TNIK: variants seen among roughly 807,000 people sequenced by gnomAD.
TNIK encodes TRAF2 and NCK-interacting protein kinase.
TNIK carries 49 observed loss-of-function variants against 191.3 expected under a neutral mutation model. The ratio of observed to expected loss-of-function variants is 0.26; its 90% CI spans 0.20 to 0.32. The LOEUF (loss-of-function observed/expected upper bound fraction) is 0.32. Among genes scored for constraint, TNIK ranks in the 10% least tolerant of loss-of-function variants. The probability of loss-of-function intolerance (pLI) is 1.00; values close to 1 mark genes in which losing one functional copy is unlikely to be tolerated. For missense variants in TNIK, 1,155 were observed against 1,702.3 expected, an observed-to-expected ratio of 0.68 and a Z score of 5.66; for synonymous variants, 594 against 600.9, an observed-to-expected ratio of 0.99 and a Z score of 0.17.
chr3:171,325,327 C>T (rs563503272), intron 2 of TNIK, among the ~76,000 whole-genome samples: 3 of 152,100 alleles, frequency 2.0e-5, no homozygotes, highest in East Asian at 1.9e-4. Context: ...CTAGTGGCTA[C>T]GTCTAGGGAT....
At chr3:171,283,854 G>C (rs1255528036) in intron 2 of TNIK, among the ~76,000 whole-genome samples, 3 of 152,178 alleles carry the variant, frequency 2.0e-5, no homozygotes, top group Non-Finnish European at 2.9e-5. Context: ...GAACTACTTC[G>C]AGGGTACTGT....
In TNIK at chr3:171,157,596, T is replaced by C. The variant is rs776038463; in HGVS notation, c.1085A>G (p.Lys362Arg). 2.6e-6 allele frequency: 4 copies of C among 1,556,780 alleles called. No homozygotes were observed. The highest frequency in any genetic ancestry group is 2.7e-5 in the African/African-American group (2 of 73,216). ...CCTCCGTAGGGCCTCAGAACGCTCC[T>C]TGTTGGCCAGCTGCAGCCTCAGAAA... ...RDFLRLQLAN[K>R]ERSEALRRQQ... Residue 362 changes from lysine (K) to arginine (R), a missense_variant, in exon 12 of 33, where the codon AAG becomes AGG. Coordinates refer to ENST00000436636, the MANE Select transcript of TNIK (RefSeq NM_015028.4).
chr3:171,162,172 A>G (rs1297235691), intron 10 of TNIK, among the ~76,000 whole-genome samples: 2 of 152,190 alleles, frequency 1.3e-5, no homozygotes, highest in African/African-American at 4.8e-5. Flanking sequence ...CTGTAATCCC[A>G]GCACTTTGGG....
chr3:171,289,899 C>T (rs1375159687), intron 2 of TNIK, among the ~76,000 whole-genome samples: 3 of 110,322 alleles, frequency 2.7e-5, no homozygotes, highest in Admixed American at 9.2e-5. Context: ...CAGACTCCGT[C>T]TCAAAAAAAA....
At position 171,205,707 on chromosome 3, in the gene TNIK, C is replaced by G. The variant is rs79647131; in HGVS notation, c.306+5409G>C. On this transcript the variant is annotated intron_variant, in intron 4 of 32. Transcript: ENST00000436636. ...CCCCTTCAGTATGTGGGTCAGATCC[C>G]ATCCCCCTCACTCCATGTTCAAAAC... Among the ~76,000 whole-genome samples, 443 of 152,262 alleles carry G rather than the reference C, an allele frequency of 2.9e-3. 6 individuals carry two copies. Among genetic ancestry groups the G allele is most frequent in the Admixed American group, 0.023 (349 of 15,280 alleles).
At chr3:171,140,208 G>A (rs1156906645) in intron 13 of TNIK, among the ~76,000 whole-genome samples, 191 bp downstream of exon 13, 1 of 152,226 alleles carries the variant, frequency 6.6e-6, no homozygotes, top group Non-Finnish European at 1.5e-5. Flanking sequence ...TGGGTAGAAA[G>A]CAAGGCTGAA....
Position 171,128,754 on chromosome 3 carries a change from G to T in TNIK, c.1733C>A (p.Pro578His). The part of the protein sequence containing the change: ...SESFSISGVQ[P>H]ARTPPMLRPV... ...TCTGAGCATGGGGGGTGTTCGAGCA[G>T]GCTGAACTCCACTAATGCTGAAGGA... Residue 578 changes from proline to histidine, a missense_variant, in exon 16 of 33, where the codon CCT (proline) becomes CAT (histidine). Around this residue, in one of 3 missense-constraint regions of TNIK, gnomAD observed 735 missense variants for 848.0 expected, o/e 0.87. Transcript: ENST00000436636. 6.2e-7 allele frequency: 1 copy of T among 1,613,426 alleles called. No homozygotes were observed. Among genetic ancestry groups the T allele is most frequent in the Non-Finnish European group, 8.5e-7 (1 of 1,179,778 alleles).
intron 7 of TNIK, among the ~76,000 whole-genome samples, chr3:171,177,628 C>T (rs932846256): frequency 5.3e-5 from 8 of 152,270 alleles, no homozygotes; most frequent in South Asian, 2.1e-4. Flanking sequence ...TAAATTAATT[C>T]GTTACTGAAA....
At chr3:171,295,517 T>A (rs1469990967) in intron 2 of TNIK, among the ~76,000 whole-genome samples, 4 of 152,206 alleles carry the variant, frequency 2.6e-5, no homozygotes, top group Non-Finnish European at 5.9e-5. Flanking sequence ...AACTGCCCTT[T>A]CTTTCCCAGC....
intron 12 of TNIK, among the ~76,000 whole-genome samples, chr3:171,144,598 A>G (rs190741479): frequency 7.0e-6 from 1 of 143,828 alleles, no homozygotes; most frequent in Admixed American, 6.9e-5. Flanking sequence ...CATATCTACC[A>G]TCTTAAACAC....
intron 1 of TNIK, among the ~76,000 whole-genome samples, chr3:171,454,394 A>G (rs1728561909): frequency 6.6e-6 from 1 of 152,234 alleles, no homozygotes. Context: ...AGTTTTACAG[A>G]TAAGGGGGAA....
At chr3:171,250,331 T>C (rs1206523902) in intron 2 of TNIK, among the ~76,000 whole-genome samples, 1 of 152,210 alleles carries the variant, frequency 6.6e-6, no homozygotes, top group Non-Finnish European at 1.5e-5. Context: ...AGCTTCTTTG[T>C]GGTAGTGAGA....
At chr3:171,231,799 G>A (rs1200190296) in intron 2 of TNIK, among the ~76,000 whole-genome samples, 1 of 152,130 alleles carries the variant, frequency 6.6e-6, no homozygotes, top group African/African-American at 2.4e-5. Context: ...AATGAATTGA[G>A]TAGGAAGGGG....
chr3:171,118,777 C>T (rs1727178734), intron 18 of TNIK, among the ~76,000 whole-genome samples: 1 of 152,090 alleles, frequency 6.6e-6, no homozygotes, highest in African/African-American at 2.4e-5. Flanking sequence ...ACACCTTATA[C>T]AAAAATTAAT....
At chr3:171,422,844 G>T (rs1259661966) in intron 1 of TNIK, among the ~76,000 whole-genome samples, 1 of 152,198 alleles carries the variant, frequency 6.6e-6, no homozygotes, top group East Asian at 1.9e-4. Context: ...TTGAACAATG[G>T]ATATCTTCAG....
chr3:171,119,054 A>G (rs939241417), intron 18 of TNIK, among the ~76,000 whole-genome samples: 36 of 152,186 alleles, frequency 2.4e-4, no homozygotes, highest in African/African-American at 7.7e-4. Flanking sequence ...TATCTGACAA[A>G]GGGCTAATAT....
chr3:171,429,590 A>G (rs891279805), intron 1 of TNIK, among the ~76,000 whole-genome samples: 23 of 152,222 alleles, frequency 1.5e-4, no homozygotes, highest in Non-Finnish European at 4.4e-5. Flanking sequence ...GATATTAAAC[A>G]TCTTCAAAAA....
chr3:171,360,466 T>C (rs1714810735), intron 2 of TNIK, among the ~76,000 whole-genome samples: 1 of 152,248 alleles, frequency 6.6e-6, no homozygotes, highest in Non-Finnish European at 1.5e-5. Flanking sequence ...AATTAAAGGA[T>C]GTCATATCTA....
At chr3:171,137,843 T>G (rs1730241135) in intron 15 of TNIK, among the ~76,000 whole-genome samples, 2 of 152,112 alleles carry the variant, frequency 1.3e-5, no homozygotes, top group Non-Finnish European at 2.9e-5. Context: ...CTTAATCACA[T>G]TATTCAACAA....
Sources: gnomAD v4.1 joint callset for allele counts (sites outside exome capture counted in the v4.1 genomes callset) on GRCh38, gnomAD v4.1.1 for gene constraint, gnomAD v4.1.1 regional missense constraint, MANE v1.5 for transcripts, NCBI Gene and HGNC (gene_info 2026-07-23, HGNC 2026-07-21) for gene names.